Variants in ZEB2 observed in about 807,000 individuals in gnomAD.
The protein encoded by ZEB2 is zinc finger E-box binding homeobox 2.
In ZEB2, 6 loss-of-function variants were observed where a neutral mutation model predicts 99.9. The ratio of observed to expected loss-of-function variants is 0.06; its 90% confidence interval spans 0.03 to 0.12. ZEB2 has a LOEUF of 0.12. Among genes scored for constraint, ZEB2 ranks in the 10% least tolerant of loss-of-function variants. The probability of loss-of-function intolerance (pLI) is 1.00; values close to 1 mark genes in which losing one functional copy is unlikely to be tolerated. For missense variants in ZEB2, 969 were observed against 1,502.8 expected, an observed-to-expected ratio of 0.64 and a Z score of 5.87; for synonymous variants, 517 against 542.5, an observed-to-expected ratio of 0.95 and a Z score of 0.65.
chr2:144,510,478 G>A (rs1021782663), intron 2 of ZEB2, among the ~76,000 whole-genome samples: 2 of 152,104 alleles, frequency 1.3e-5, no homozygotes, highest in Admixed American at 1.3e-4. Flanking sequence ...CAGGCTTCTG[G>A]GGGAGAATTC....
intron 3 of ZEB2, chr2:144,429,182 C>T (rs12614546): frequency 0.36 from 55,518 of 152,618 alleles, 12,408 homozygotes; most frequent in East Asian, 0.6. Context: ...GAGAGTCCCA[C>T]CAAACAGCAG....
intron 2 of ZEB2, chr2:144,512,572 C>G (rs1560657751): frequency 7.8e-7 from 1 of 1,287,166 alleles, no homozygotes. Flanking sequence ...TATTTGAAAA[C>G]AAATGGTGGA....
chr2:144,467,787 T>C (rs993631447), intron 2 of ZEB2, among the ~76,000 whole-genome samples: 2 of 152,206 alleles, frequency 1.3e-5, no homozygotes, highest in Admixed American at 1.3e-4. Context: ...GTTGTGCTAA[T>C]TGGGCAGAGC....
intron 9 of ZEB2, among the ~76,000 whole-genome samples, chr2:144,394,913 C>G (rs958123015): frequency 6.7e-6 from 1 of 149,892 alleles, no homozygotes; most frequent in Non-Finnish European, 1.5e-5. Flanking sequence ...TTCCCAAGGA[C>G]AGTTTTCAGT....
chr2:144,472,290 T>A (rs1365777), intron 2 of ZEB2, among the ~76,000 whole-genome samples: 118,529 of 151,888 alleles, frequency 0.78, 46,635 homozygotes, highest in Non-Finnish European at 0.83. Context: ...AGTCTTCATC[T>A]TTACCTGGTT....
intron 1 of ZEB2, chr2:144,518,878 AT>A (rs1705216621): frequency 6.6e-6 from 1 of 152,192 alleles, no homozygotes. Context: ...TGCTAGTTTT[AT>A]GGGCATGTGT....
At chr2:144,404,331 G>A (rs1703353076) in intron 5 of ZEB2, among the ~76,000 whole-genome samples, 1 of 125,520 alleles carries the variant, frequency 8.0e-6, no homozygotes, top group South Asian at 2.7e-4. Context: ...CTCACACTGT[G>A]CTCAAAAATT....
chr2:144,484,185 T>TGTGTGTGTGTGTG (rs1704560817), intron 2 of ZEB2, among the ~76,000 whole-genome samples: 4 of 142,416 alleles, frequency 2.8e-5, no homozygotes, highest in Non-Finnish European at 6.1e-5. Flanking sequence ...AAATCTGGAT[T>TGTGTGTGTGTGTG]TGTGTGTGTG....
At chr2:144,405,051 T>C (rs771327691) in intron 4 of ZEB2, 27 bp from the exon 5 acceptor site, 4 of 1,608,380 alleles carry the variant, frequency 2.5e-6, no homozygotes, top group Admixed American at 3.3e-5. Flanking sequence ...AGAAGAAATG[T>C]TGTTTCCGGG....
At chr2:144,486,877 T>C (rs1448674127) in intron 2 of ZEB2, among the ~76,000 whole-genome samples, 1 of 152,170 alleles carries the variant, frequency 6.6e-6, no homozygotes, top group Non-Finnish European at 1.5e-5. Context: ...ATAAAGTCAA[T>C]TCTTCTGAAC....
At chr2:144,394,954 T>C (rs1193268756) in intron 9 of ZEB2, among the ~76,000 whole-genome samples, 1 of 150,246 alleles carries the variant, frequency 6.7e-6, no homozygotes, top group Admixed American at 6.7e-5. Context: ...ATCTAGGTAG[T>C]CAAAATATGA....
rs560494351 is a variant in ZEB2 at position 144,409,443 on chromosome 2, T to G, written c.404-4419A>C. Among the ~76,000 whole-genome samples the G allele has an allele frequency of 2.5e-3, 377 of 152,228 alleles. 1 individual carries two copies. The highest frequency in any genetic ancestry group is 8.7e-3 in the African/African-American group (360 of 41,544). On this transcript the variant is annotated intron_variant, in intron 4 of 9. Transcript: ENST00000627532. ...TTTTTCTAGTGTAAAATCAACCTCA[T>G]TTTCCTTCTTTCTGTAATCCTCTTC...
intron 2 of ZEB2, among the ~76,000 whole-genome samples, chr2:144,481,471 T>C (rs1408059641): frequency 6.6e-6 from 1 of 152,192 alleles, no homozygotes; most frequent in Non-Finnish European, 1.5e-5. Flanking sequence ...AAAGGTAGAC[T>C]AGAAATAGTT....
rs538846095 is a variant in ZEB2, at chr2:144,467,360, A to C, written c.74-37334T>G. On this transcript the variant is annotated intron_variant, in intron 2 of 9. Transcript: ENST00000627532. ...AATGGGCTGGGAAAAAAAGCAGACC[A>C]CATGAAAACATAGACCAAATAGGTG... Among the ~76,000 whole-genome samples, 5 of 152,308 alleles carry C rather than the reference A, an allele frequency of 3.3e-5. No individual in the cohort carries two copies. In the South Asian group the frequency reaches 1.0e-3, roughly 32 times the overall value.
chr2:144,467,371 T>C (rs1041386393), intron 2 of ZEB2, among the ~76,000 whole-genome samples: 10 of 152,072 alleles, frequency 6.6e-5, no homozygotes, highest in African/African-American at 2.2e-4. Flanking sequence ...CATGAAAACA[T>C]AGACCAAATA....
Position 144,384,229 on chromosome 2 carries a change from T to C in ZEB2, c.*5222A>G, listed in dbSNP as rs1044598598. 1 of 152,108 alleles carries C rather than the reference T, an allele frequency of 6.6e-6. No individual in the cohort carries two copies. Among genetic ancestry groups the C allele is most frequent in the Non-Finnish European group, 1.5e-5 (1 of 68,002 alleles). 9.4% of individuals were successfully genotyped at this position (152,108 alleles called of 1,614,324 possible). A position where few individuals can be genotyped will look rare whatever the true frequency, so the allele number is the denominator to read the frequency against. ...TTCAGTATTTTGGAGCATTTTAACA[T>C]GTCATGCTAGATTATAGGTAGTAGG... On this transcript the variant is annotated 3_prime_UTR_variant, in exon 10 of 10. Transcript: ENST00000627532.
At chr2:144,394,989 CTTTTTTT>C (rs869207772) in intron 9 of ZEB2, among the ~76,000 whole-genome samples, 10 of 85,198 alleles carry the variant, frequency 1.2e-4, no homozygotes, top group South Asian at 4.4e-4. Context: ...CTTCCCTTCG[CTTTTTTT>C]TTTTTTTTTT....
intron 2 of ZEB2, among the ~76,000 whole-genome samples, chr2:144,456,332 ATAAG>A (rs1704121502): frequency 6.6e-6 from 1 of 152,220 alleles, no homozygotes; most frequent in African/African-American, 2.4e-5. Flanking sequence ...TTGAGTGGAT[ATAAG>A]GGACTCTTCC....
chr2:144,424,595 T>C (rs1284263381), intron 4 of ZEB2, among the ~76,000 whole-genome samples: 2 of 152,100 alleles, frequency 1.3e-5, no homozygotes, highest in Non-Finnish European at 2.9e-5. Flanking sequence ...AAATTAGGGG[T>C]GTGAGAATGA....
Sources: gnomAD v4.1 joint callset for allele counts (sites outside exome capture counted in the v4.1 genomes callset) on GRCh38, gnomAD v4.1.1 for gene constraint, MANE v1.5 for transcripts, NCBI Gene and HGNC (gene_info 2026-07-23, HGNC 2026-07-21) for gene names.